HABP2: variants seen among roughly 807,000 people sequenced by gnomAD.
HABP2 encodes the protein hyaluronan binding protein 2, also known as factor VII-activating protease.
HABP2 carries 65 observed loss-of-function variants against 66.5 expected under a neutral mutation model. The ratio of observed to expected loss-of-function variants is 0.98; its 90% CI spans 0.80 to 1.20. The LOEUF (loss-of-function observed/expected upper bound fraction) is 1.20, where lower values mean the gene tolerates loss of function less well. HABP2 is among the 50% of genes most tolerant of loss of function. The probability of loss-of-function intolerance (pLI) is 0.00; values close to 1 mark genes in which losing one functional copy is unlikely to be tolerated. For missense variants in HABP2, 786 were observed against 691.0 expected, an observed-to-expected ratio of 1.14 and a Z score of -1.54; for synonymous variants, 263 against 253.9, an observed-to-expected ratio of 1.04 and a Z score of -0.34.
chr10:113,589,367 G>C lies in HABP2; in HGVS notation c.*998G>C. Reference sequence around the variant, plus strand: ...CCCTGACCCTTTCTGCGAATGTAACGAGCAAGCAGTCAGCACAGCCTGGGC... The same window carrying C: ...CCCTGACCCTTTCTGCGAATGTAACCAGCAAGCAGTCAGCACAGCCTGGGC... On this transcript the variant is annotated 3_prime_UTR_variant, in exon 13 of 13. Transcript: ENST00000351270. 1 of 564,008 alleles carries C rather than the reference G, an allele frequency of 1.8e-6. No homozygotes were observed. The highest frequency in any genetic ancestry group is 2.4e-5 in the South Asian group (1 of 41,962). The allele number at this position is 564,008 out of a possible 1,614,324, so 34.9% of individuals were successfully genotyped here. A position where few individuals can be genotyped will look rare whatever the true frequency, so the allele number is the denominator to read the frequency against.
intron 2 of HABP2, among the ~76,000 whole-genome samples, chr10:113,569,202 G>A (rs1845257381): frequency 6.6e-6 from 1 of 152,304 alleles, no homozygotes; most frequent in African/African-American, 2.4e-5. Context: ...AGGGAGTGAA[G>A]AGTATTTAAT....
chr10:113,554,542 T>A (rs1844956299), intron 1 of HABP2, among the ~76,000 whole-genome samples: 1 of 152,182 alleles, frequency 6.6e-6, no homozygotes, highest in African/African-American at 2.4e-5. Context: ...GTGTGGTGGT[T>A]GTAATTACAA....
intron 5 of HABP2, 87 bp downstream of exon 5, chr10:113,577,353 G>C: frequency 1.3e-6 from 1 of 755,462 alleles, no homozygotes. Flanking sequence ...AGATGCATCT[G>C]ATGTTTTTGT....
intron 1 of HABP2, among the ~76,000 whole-genome samples, chr10:113,563,112 T>A (rs1458724841): frequency 6.6e-6 from 1 of 152,256 alleles, no homozygotes; most frequent in Non-Finnish European, 1.5e-5. Context: ...ACACAGTTGA[T>A]GGCACATTGT....
chr10:113,584,808 G>T (rs10787491), intron 11 of HABP2, among the ~76,000 whole-genome samples: 41,460 of 152,020 alleles, frequency 0.27, 5,976 homozygotes, highest in Admixed American at 0.38. Flanking sequence ...TTTGCTCGGG[G>T]TTCTCCACAC....
chr10:113,572,008 C>T (rs940144292), intron 2 of HABP2, among the ~76,000 whole-genome samples: 1 of 152,214 alleles, frequency 6.6e-6, no homozygotes, highest in Admixed American at 6.5e-5. Context: ...CTGTAAAGCA[C>T]CTTCAAATCA....
intron 2 of HABP2, 25 bp downstream of exon 2, chr10:113,567,550 C>T (rs1403422511): frequency 5.1e-6 from 8 of 1,569,808 alleles, no homozygotes; most frequent in South Asian, 2.2e-5. Flanking sequence ...CTCCCTGGGG[C>T]TTCCCACCAA....
rs151205492 is a variant in HABP2 at position 113,553,064 on chromosome 10, G to C, written c.-58G>C. 1,490 of 1,269,930 alleles carry C rather than the reference G, an allele frequency of 1.2e-3. 18 individuals are homozygous for C. The African/African-American group carries it at 0.02, about 17-fold the overall frequency. 78.7% of individuals were successfully genotyped at this position (1,269,930 alleles called of 1,614,324 possible). On this transcript the variant is annotated 5_prime_UTR_variant, in exon 1 of 13. Coordinates refer to ENST00000351270, the MANE Select transcript of HABP2 (RefSeq NM_004132.5). ...AGACTGACATTTTTCCCCCCTAAAG[G>C]CATAGACAACAAAAGAAATTTTATT... is the stretch of plus-strand genomic sequence containing the variant.
chr10:113,572,828 G>T, intron 2 of HABP2: 1 of 278,422 alleles, frequency 3.6e-6, no homozygotes, highest in South Asian at 3.0e-5. Context: ...TGTGATAAAT[G>T]AGGTGAAACT....
Position 113,553,056 on chromosome 10 carries a change from C to A in HABP2, c.-66C>A. On this transcript the variant is annotated 5_prime_UTR_variant, in exon 1 of 13. Transcript: ENST00000351270. ...ATCCTTGGAGACTGACATTTTTCCC[C>A]CCTAAAGGCATAGACAACAAAAGAA... 3 of 1,169,878 alleles carry A rather than the reference C, an allele frequency of 2.6e-6. No homozygotes were observed. The highest frequency in any genetic ancestry group is 1.2e-5 in the South Asian group (1 of 81,106). The allele number at this position is 1,169,878 out of a possible 1,614,324, so 72.5% of individuals were successfully genotyped here.
chr10:113,580,161 C>T (rs927033435), intron 7 of HABP2, among the ~76,000 whole-genome samples: 6 of 123,622 alleles, frequency 4.9e-5, no homozygotes, highest in South Asian at 2.7e-4. Flanking sequence ...GAGCTGTCTT[C>T]GGGGGCGGGG....
At chr10:113,553,385 C>T (rs1844934065) in intron 1 of HABP2, among the ~76,000 whole-genome samples, 195 bp downstream of exon 1, 1 of 152,242 alleles carries the variant, frequency 6.6e-6, no homozygotes, top group Non-Finnish European at 1.5e-5. Context: ...GAACAGGTGT[C>T]TGACTTGAGC....
rs201294830 is a variant in HABP2, at chr10:113,578,717, C to T, written c.659C>T (p.Ser220Phe). The change falls in exon 7 of 13, where the codon TCC becomes TTC. Residue 220 changes from serine (S) to phenylalanine (F), a missense_variant. Transcript: ENST00000351270. ...CAGCATGCGTGCCTTTACTGGAACTCCCACCTCCTCTTGCAGGAGAATTAC... is the reference window on the plus strand; with the variant it reads ...CAGCATGCGTGCCTTTACTGGAACTTCCACCTCCTCTTGCAGGAGAATTAC... Reference protein sequence around the residue: ...VNQHACLYWNSHLLLQENYNM... With the variant: ...VNQHACLYWNFHLLLQENYNM... 1 of 1,609,424 alleles carries T rather than the reference C, an allele frequency of 6.2e-7. No individual in the cohort carries two copies. The highest frequency in any genetic ancestry group is 8.5e-7 in the Non-Finnish European group (1 of 1,175,806).
chr10:113,563,987 G>A (rs1220288565), intron 1 of HABP2, among the ~76,000 whole-genome samples: 1 of 152,152 alleles, frequency 6.6e-6, no homozygotes, highest in Non-Finnish European at 1.5e-5. Context: ...TGTCCTTGAA[G>A]TCTTAGTGTA....
intron 2 of HABP2, chr10:113,572,534 T>A: frequency 4.0e-6 from 1 of 248,642 alleles, no homozygotes; most frequent in Middle Eastern, 8.0e-4. Flanking sequence ...AACTAAGCAA[T>A]GCAATCAGCT....
intron 1 of HABP2, among the ~76,000 whole-genome samples, chr10:113,563,153 A>G (rs572916890): frequency 6.6e-6 from 1 of 152,320 alleles, no homozygotes; most frequent in South Asian, 2.1e-4. Context: ...CTGAGATAAC[A>G]GTTTTCTCCC....
At chr10:113,565,928 A>G (rs908793243) in intron 1 of HABP2, among the ~76,000 whole-genome samples, 1 of 152,158 alleles carries the variant, frequency 6.6e-6, no homozygotes, top group Non-Finnish European at 1.5e-5. Context: ...CAGGGTAACT[A>G]TTTTTGCCAA....
rs1438155986 is a variant in HABP2, at chr10:113,581,962, A to G, written c.925A>G (p.Arg309Gly). The change falls in exon 9 of 13, where the codon AGG (arginine) becomes GGG (glycine). Residue 309 changes from arginine to glycine, a missense_variant. Coordinates refer to ENST00000351270, the MANE Select transcript of HABP2 (RefSeq NM_004132.5). ...CTGTGGAAAGACTGAGATAGCAGAG[A>G]GGAAGATCAAGAGAATCTATGGAGG... The part of the protein sequence containing the change: ...DSCGKTEIAE[R>G]KIKRIYGGFK... The G allele has an allele frequency of 6.2e-7, 1 of 1,614,204 alleles. No individual in the cohort carries two copies. Among genetic ancestry groups the G allele is most frequent in the East Asian group, 2.2e-5 (1 of 44,882 alleles).
chr10:113,565,074 G>A (rs1168714947), intron 1 of HABP2, among the ~76,000 whole-genome samples: 1 of 152,128 alleles, frequency 6.6e-6, no homozygotes, highest in East Asian at 1.9e-4. Flanking sequence ...TTGATCTCCT[G>A]ACCTTGTGAT....
Sources: allele counts gnomAD v4.1 joint callset (sites outside exome capture counted in the v4.1 genomes callset), GRCh38; gene constraint gnomAD v4.1.1; transcripts MANE v1.5; gene names NCBI Gene and HGNC (gene_info 2026-07-23, HGNC 2026-07-21).